FRMD6: variants seen among roughly 807,000 people sequenced by gnomAD.
The protein encoded by FRMD6 is FERM domain containing 6.
Under a neutral mutation model 73.2 loss-of-function variants are expected in FRMD6, and 37 were observed. The observed-to-expected ratio is 0.51, with a 90% CI of 0.39 to 0.66. FRMD6 has a LOEUF of 0.66. FRMD6 is among the 30% of genes least tolerant of loss of function. The pLI is 0.00. For missense variants in FRMD6, 714 were observed against 780.5 expected (o/e 0.91, Z 1.02); for synonymous variants, 273 against 282.2 (o/e 0.97, Z 0.33).
At chr14:51,547,845 C>T (rs1336542339) in intron 1 of FRMD6, 7 of 149,840 alleles carry the variant, frequency 4.7e-5, no homozygotes, top group South Asian at 2.1e-4. Context: ...GCATATTTCC[C>T]GAAGATCTTG....
upstream of FRMD6, chr14:51,651,838 G>A (rs1252733641): frequency 7.2e-5 from 9 of 125,644 alleles, no homozygotes; most frequent in Non-Finnish European, 1.4e-4. Context: ...GGGGCGGGTC[G>A]GGTCGGGAGG....
intron 1 of FRMD6, among the ~76,000 whole-genome samples, chr14:51,686,925 G>A (rs1371391378): frequency 6.6e-6 from 1 of 152,090 alleles, no homozygotes; most frequent in Non-Finnish European, 1.5e-5. Flanking sequence ...CTTTTAATCA[G>A]CTTTAATGCT....
chr14:51,566,374 C>G (rs1258667385), intron 1 of FRMD6, among the ~76,000 whole-genome samples: 1 of 152,174 alleles, frequency 6.6e-6, no homozygotes, highest in East Asian at 1.9e-4. Context: ...ACAGATGTGT[C>G]TGGCTTTATA....
chr14:51,398,775 G>A, the FRMD6 span, among the ~76,000 whole-genome samples: 1 of 151,952 alleles, frequency 6.6e-6, no homozygotes, highest in Non-Finnish European at 1.5e-5. Context: ...TCTCAACCAG[G>A]GACAATAGAT....
intron 2 of FRMD6, among the ~76,000 whole-genome samples, chr14:51,600,233 G>A (rs114946533): frequency 0.017 from 2,642 of 152,090 alleles, 65 homozygotes; most frequent in East Asian, 0.07. Context: ...ACAGAAATAC[G>A]GTCGATAGCA....
At chr14:51,504,982 AC>A (rs1883867838) in intron 1 of FRMD6, among the ~76,000 whole-genome samples, 3 of 152,180 alleles carry the variant, frequency 2.0e-5, no homozygotes, top group African/African-American at 7.2e-5. Flanking sequence ...TCCTAGGCTT[AC>A]ATCTGGCCCT....
At chr14:51,569,634 G>A (rs1452067191) in intron 1 of FRMD6, among the ~76,000 whole-genome samples, 1 of 150,286 alleles carries the variant, frequency 6.7e-6, no homozygotes, top group Non-Finnish European at 1.5e-5. Context: ...CTTCCTGGTA[G>A]CTGGGACTAC....
the FRMD6 span, among the ~76,000 whole-genome samples, chr14:51,423,624 C>G: frequency 6.6e-6 from 1 of 152,160 alleles, no homozygotes; most frequent in African/African-American, 2.4e-5. Flanking sequence ...CTCTTCTAGA[C>G]AAGCTGTCCT....
chr14:51,396,757 G>A, the FRMD6 span, among the ~76,000 whole-genome samples: 59 of 152,298 alleles, frequency 3.9e-4, no homozygotes, highest in Non-Finnish European at 8.2e-4. Context: ...GGAGTCTGTA[G>A]GCCAAATTAG....
rs1171048626 is a variant in FRMD6 at position 51,722,112 on chromosome 14, G to A, written c.1492+32G>A. The A allele has an allele frequency of 2.5e-6, 4 of 1,611,746 alleles. No individual in the cohort carries two copies. The Admixed American group carries it at 6.7e-5, about 27-fold the overall frequency. The stretch of plus-strand genomic sequence containing the variant: ...TCTTACGGGAAGTTATTCTTCCTTG[G>A]TAGCAGGTTATCCAGGACTGAAAAA... On this transcript the variant is annotated intron_variant, in intron 12 of 13. Coordinates refer to ENST00000344768, the MANE Select transcript of FRMD6 (RefSeq NM_001267046.2).
intron 2 of FRMD6, among the ~76,000 whole-genome samples, chr14:51,693,903 A>G (rs1895772549): frequency 1.3e-5 from 2 of 152,166 alleles, no homozygotes; most frequent in Admixed American, 6.5e-5. Context: ...AAAACAATTC[A>G]TGGCTGCCAA....
intron 12 of FRMD6, among the ~76,000 whole-genome samples, chr14:51,724,575 A>G (rs1037539162): frequency 6.6e-6 from 1 of 152,184 alleles, no homozygotes; most frequent in African/African-American, 2.4e-5. Flanking sequence ...TCATGTTTCA[A>G]TTGAACTAAT....
chr14:51,666,154 C>T (rs1893576075), intron 1 of FRMD6, among the ~76,000 whole-genome samples: 1 of 152,146 alleles, frequency 6.6e-6, no homozygotes, highest in South Asian at 2.1e-4. Flanking sequence ...TTTACTATGC[C>T]ATTTCCTTTG....
chr14:51,487,237 C>T (rs1354343017), upstream of FRMD6, among the ~76,000 whole-genome samples: 2 of 152,218 alleles, frequency 1.3e-5, no homozygotes, highest in South Asian at 2.1e-4. Context: ...CTTATAGTTA[C>T]AGTCCCTGTA....
At chr14:51,459,913 C>G in the FRMD6 span, among the ~76,000 whole-genome samples, 1 of 26,174 alleles carries the variant, frequency 3.8e-5, no homozygotes, top group Non-Finnish European at 6.8e-5. Context: ...TTACAAACTT[C>G]GGCTATGGCT....
At chr14:51,671,383 A>T (rs893511214) in intron 1 of FRMD6, among the ~76,000 whole-genome samples, 11 of 152,204 alleles carry the variant, frequency 7.2e-5, no homozygotes, top group African/African-American at 2.4e-4. Flanking sequence ...TTTCTTTGTC[A>T]TAAAATTTTT....
In FRMD6 at chr14:51,720,127, C is replaced by T. The variant is rs747616853; in HGVS notation, c.1097C>T (p.Ser366Leu). ...DLDMDQLEKR[S>L]RASGSSAGSM... ...GACATGGACCAGCTGGAAAAACGGT[C>T]GCGGGCCAGCGGGAGCAGTGCGGGC... The change falls in exon 11 of 14, where the codon TCG becomes TTG. Residue 366 changes from serine (S) to leucine (L), a missense_variant. Ser to Leu is a moderately radical substitution (Grantham distance 145, BLOSUM62 -2). Coordinates refer to ENST00000344768, the MANE Select transcript of FRMD6 (RefSeq NM_001267046.2). 11 of 1,613,614 alleles carry T rather than the reference C, an allele frequency of 6.8e-6. No homozygotes were observed. The highest frequency in any genetic ancestry group is 1.6e-4 in the Middle Eastern group (1 of 6,084).
At chr14:51,712,187 G>A (rs567286488) in intron 8 of FRMD6, among the ~76,000 whole-genome samples, 15 of 152,248 alleles carry the variant, frequency 9.9e-5, no homozygotes, top group South Asian at 6.2e-4. Context: ...AAGTCTGAGC[G>A]CCTTATTGCA....
intron 6 of FRMD6, among the ~76,000 whole-genome samples, chr14:51,706,712 C>T (rs1313360015): frequency 1.3e-5 from 2 of 151,972 alleles, no homozygotes; most frequent in African/African-American, 4.8e-5. Flanking sequence ...GTGCCCAGTG[C>T]TCAAGAAGAA....
Sources: gnomAD v4.1 joint callset for allele counts (sites outside exome capture counted in the v4.1 genomes callset) on GRCh38, gnomAD v4.1.1 for gene constraint, MANE v1.5 for transcripts, NCBI Gene and HGNC (gene_info 2026-07-23, HGNC 2026-07-21) for gene names.